The following CACNG4 variants were observed in gnomAD, a reference collection of about 807,000 sequenced individuals.
CACNG4 encodes the protein voltage-dependent calcium channel gamma-4 subunit.
In CACNG4, 8 loss-of-function variants were observed where a neutral mutation model predicts 22.9. The observed-to-expected ratio is 0.35, with a 90% CI of 0.21 to 0.63. The LOEUF is 0.63. Ranked by LOEUF, CACNG4 falls within the 30% of genes least tolerant of loss-of-function variation. CACNG4 has a pLI of 0.72. For synonymous variants in CACNG4, 188 were observed against 191.9 expected (o/e 0.98, Z 0.17); for missense variants, 357 against 455.4 (o/e 0.78, Z 1.97).
rs150216720 is a variant in CACNG4, at chr17:66,973,172, G to A, written c.220+8041G>A. Among the ~76,000 whole-genome samples, 853 of 151,732 alleles carry A rather than the reference G, an allele frequency of 5.6e-3. 11 individuals are homozygous for A. Among genetic ancestry groups the A allele is most frequent in the Non-Finnish European group, 4.6e-3 (313 of 67,912 alleles). Reference sequence around the variant, plus strand: ...GGAGAATTGCTTAAACCTGGGAGGCGGAGGTTGCACTGAGCTGAGAGCTCG... The same window carrying A: ...GGAGAATTGCTTAAACCTGGGAGGCAGAGGTTGCACTGAGCTGAGAGCTCG... On this transcript the variant is annotated intron_variant, in intron 1 of 3. Coordinates refer to ENST00000262138, the MANE Select transcript of CACNG4 (RefSeq NM_014405.4).
At chr17:67,005,046 G>A (rs2035429541) in intron 1 of CACNG4, among the ~76,000 whole-genome samples, 1 of 152,180 alleles carries the variant, frequency 6.6e-6, no homozygotes. Context: ...GTATCGGAAG[G>A]ATGTGGAAGC....
At chr17:67,024,189 T>C (rs1419254559) in intron 2 of CACNG4, among the ~76,000 whole-genome samples, 1 of 152,148 alleles carries the variant, frequency 6.6e-6, no homozygotes, top group Non-Finnish European at 1.5e-5. Context: ...CCCACATCCT[T>C]GTCTATCACC....
chr17:66,996,475 G>T (rs868840664), intron 1 of CACNG4, among the ~76,000 whole-genome samples: 7 of 151,262 alleles, frequency 4.6e-5, no homozygotes, highest in African/African-American at 1.5e-4. Flanking sequence ...CGCCTCCCAG[G>T]TTCAACCAAT....
At chr17:67,024,531 A>G (rs1023776649) in intron 2 of CACNG4, among the ~76,000 whole-genome samples, 3 of 152,252 alleles carry the variant, frequency 2.0e-5, no homozygotes, top group Non-Finnish European at 2.9e-5. Context: ...GGGGCTGTGC[A>G]GTGCCACAAA....
At chr17:66,980,370 G>A (rs2035264279) in intron 1 of CACNG4, among the ~76,000 whole-genome samples, 1 of 152,220 alleles carries the variant, frequency 6.6e-6, no homozygotes, top group East Asian at 1.9e-4. Context: ...GTACTTAATC[G>A]GAAAGCTGTG....
At chr17:67,017,887 G>A (rs766845805) in intron 1 of CACNG4, among the ~76,000 whole-genome samples, 10 of 151,926 alleles carry the variant, frequency 6.6e-5, no homozygotes, top group Non-Finnish European at 1.2e-4. Context: ...GCTTGCCCCG[G>A]GCAGCTCTGC....
intron 1 of CACNG4, among the ~76,000 whole-genome samples, chr17:66,998,484 C>T (rs757283541): frequency 7.9e-5 from 12 of 152,228 alleles, no homozygotes; most frequent in Non-Finnish European, 1.2e-4. Flanking sequence ...AATTGCACCG[C>T]ACCCATCCCT....
chr17:67,018,058 G>A (rs755083531), intron 1 of CACNG4, 131 bp from the exon 2 acceptor site: 12 of 681,316 alleles, frequency 1.8e-5, no homozygotes, highest in Non-Finnish European at 2.9e-5. Context: ...GAACGCTGGA[G>A]CCTGCCTTTC....
intron 1 of CACNG4, among the ~76,000 whole-genome samples, chr17:66,985,949 A>T (rs1300462973): frequency 6.6e-6 from 1 of 151,798 alleles, no homozygotes; most frequent in African/African-American, 2.4e-5. Context: ...AAAGGAAAAA[A>T]AAAAGAAGAA....
Position 67,031,469 on chromosome 17 carries a change from A to T in CACNG4, c.*465A>T, listed in dbSNP as rs1197626141. The T allele has an allele frequency of 2.2e-6, 1 of 458,474 alleles. No homozygotes were observed. Among genetic ancestry groups the T allele is most frequent in the Non-Finnish European group, 4.4e-6 (1 of 228,022 alleles). 28.4% of individuals were successfully genotyped at this position (458,474 alleles called of 1,614,324 possible). A position where few individuals can be genotyped will look rare whatever the true frequency, so the allele number is the denominator to read the frequency against. On this transcript the variant is annotated 3_prime_UTR_variant, in exon 4 of 4. Transcript: ENST00000262138. This position sits in a 1 kb window ranked among gnomAD's most constrained non-coding sequence, Gnocchi z 4.0. ...TCTGGGCTCTTGTCAGCTGCTTTTG[A>T]ACCTGAGGTTCCTGCGTCGTTGAGC...
At position 67,024,980 on chromosome 17, in the gene CACNG4, G is replaced by A. The variant is rs867745736; in HGVS notation, c.425G>A (p.Gly142Asp). ...SRKNNIVLSA[G>D]ILFVAAGLSN... ...AAGAACAACATCGTCCTCAGTGCCG[G>A]CATCCTCTTCGTGGCTGCAGGTGAG... The change falls in exon 3 of 4, where the codon GGC (glycine) becomes GAC (aspartate). Residue 142 changes from glycine (G) to aspartate (D), a missense_variant. This residue lies in a region of CACNG4 where 240 missense variants were observed against 277.6 expected (regional missense o/e 0.86). Transcript: ENST00000262138. 1 of 1,598,024 alleles carries A rather than the reference G, an allele frequency of 6.3e-7. No individual in the cohort carries two copies. Among genetic ancestry groups the A allele is most frequent in the Non-Finnish European group, 8.5e-7 (1 of 1,174,106 alleles).
chr17:67,004,521 G>C (rs949052425), intron 1 of CACNG4, among the ~76,000 whole-genome samples: 5 of 152,124 alleles, frequency 3.3e-5, no homozygotes, highest in Non-Finnish European at 5.9e-5. Context: ...CTGGAGCCCT[G>C]TGGTCTCCAG....
rs1284551194 is a variant in CACNG4, at chr17:66,964,944, G to A, written c.33G>A (p.Leu11=). 4 of 1,600,916 alleles carry A rather than the reference G, an allele frequency of 2.5e-6. No homozygotes were observed. Among genetic ancestry groups the A allele is most frequent in the South Asian group, 2.2e-5 (2 of 90,002 alleles). Residue 11 remains leucine, a synonymous_variant, in exon 1 of 4, where the codon CTG becomes CTA. Transcript: ENST00000262138. ...GATGCGACCGCGGGCTGCAGATGCT[G>A]CTGACCACGGCCGGAGCCTTCGCCG... The part of the protein sequence containing the change: MVRCDRGLQM[L]LTTAGAFAAF...
intron 1 of CACNG4, among the ~76,000 whole-genome samples, chr17:66,983,729 A>G (rs1007356421): frequency 6.6e-6 from 1 of 152,182 alleles, no homozygotes; most frequent in Non-Finnish European, 1.5e-5. Context: ...TTAACCATGC[A>G]CTTCAAAGCC....
rs1372139512 is a variant in CACNG4, at chr17:67,030,085, C to A, written c.446-381C>A. Among the ~76,000 whole-genome samples the A allele has an allele frequency of 6.6e-6, 1 of 152,072 alleles. No individual in the cohort carries two copies. The highest frequency in any genetic ancestry group is 1.9e-4 in the East Asian group (1 of 5,186). On this transcript the variant is annotated intron_variant, in intron 3 of 3. Transcript: ENST00000262138. This position sits in a 1 kb window ranked among gnomAD's most constrained non-coding sequence, Gnocchi z 6.4. ...GGCTCTCCATGTTCTGATTCAGAACCGTCTCTCAGATGTACTGTTAAGAGA... is the reference window on the plus strand; with the variant it reads ...GGCTCTCCATGTTCTGATTCAGAACAGTCTCTCAGATGTACTGTTAAGAGA...
At chr17:67,007,463 C>G (rs576193721) in intron 1 of CACNG4, among the ~76,000 whole-genome samples, 12 of 152,290 alleles carry the variant, frequency 7.9e-5, no homozygotes, top group Non-Finnish European at 1.2e-4. Context: ...CACGATTTAG[C>G]CTTCTCAAGG....
chr17:67,021,283 G>T (rs2035530307), intron 2 of CACNG4, among the ~76,000 whole-genome samples: 1 of 204 alleles, frequency 4.9e-3, no homozygotes, highest in Non-Finnish European at 7.0e-3. Context: ...AAAGAAAACA[G>T]GGCTCTGCCT....
At position 66,969,457 on chromosome 17, in the gene CACNG4, C is replaced by G. The variant is rs2035191030; in HGVS notation, c.220+4326C>G. ...CCCCCGCACCTGTTTTGTGCCAGCTCTGTGCTGGGTACTAGTGGGGGAAGT... is the reference window on the plus strand; with the variant it reads ...CCCCCGCACCTGTTTTGTGCCAGCTGTGTGCTGGGTACTAGTGGGGGAAGT... On this transcript the variant is annotated intron_variant, in intron 1 of 3. Transcript: ENST00000262138. Among the ~76,000 whole-genome samples the G allele has an allele frequency of 3.3e-5, 5 of 152,248 alleles. 1 individual carries two copies. In the South Asian group the frequency reaches 1.0e-3, roughly 31 times the overall value.
At chr17:67,023,595 G>C (rs1474810536) in intron 2 of CACNG4, among the ~76,000 whole-genome samples, 1 of 120,940 alleles carries the variant, frequency 8.3e-6, no homozygotes, top group Non-Finnish European at 1.7e-5. Context: ...TTTTAAGACA[G>C]AATGTCACTC....
Sources: gnomAD v4.1 joint callset for allele counts (sites outside exome capture counted in the v4.1 genomes callset) on GRCh38, gnomAD v4.1.1 for gene constraint, gnomAD v4.1.1 regional missense constraint, Gnocchi (gnomAD v3.1) non-coding constraint, MANE v1.5 for transcripts, NCBI Gene and HGNC (gene_info 2026-07-23, HGNC 2026-07-21) for gene names.